Variants in MASP2 observed in about 807,000 individuals in gnomAD.
MASP2 encodes the protein mannan-binding lectin serine protease 2.
Under a neutral mutation model 57.1 loss-of-function variants are expected in MASP2, and 49 were observed. The observed-to-expected ratio is 0.86, with a 90% confidence interval of 0.68 to 1.09. The LOEUF (loss-of-function observed/expected upper bound fraction) is 1.09. MASP2 is among the 50% of genes least tolerant of loss of function. The pLI is 0.00. For synonymous variants in MASP2, 379 were observed against 340.8 expected, an observed-to-expected ratio of 1.11 and a Z score of -1.24; for missense variants, 900 against 874.8, an observed-to-expected ratio of 1.03 and a Z score of -0.36.
At chr1:11,038,457 A>G in intron 6 of MASP2, among the ~76,000 whole-genome samples, 1 of 152,166 alleles carries the variant, frequency 6.6e-6, no homozygotes, top group South Asian at 2.1e-4. Flanking sequence ...GGGGAGCCTC[A>G]GGCTTCCCCT....
At chr1:11,039,566 G>GGATA (rs902097071) in intron 6 of MASP2, among the ~76,000 whole-genome samples, 4 of 152,116 alleles carry the variant, frequency 2.6e-5, no homozygotes, top group Non-Finnish European at 4.4e-5. Flanking sequence ...ATGGGTGGAT[G>GGATA]GATAGATGGA....
At position 11,027,568 on chromosome 1, in the gene MASP2, C is replaced by T; in HGVS notation, c.1378G>A (p.Val460Ile). ...KAKPGDFPWQ[V>I]LILGGTTAAG... ...GCTGTGGTTCCACCTAATATCAGGA[C>T]TTGCCAAGGAAAATCACCAGGTTTT... The change falls in exon 11 of 11, where the codon GTC becomes ATC. Residue 460 changes from valine to isoleucine, a missense_variant. Val to Ile is a conservative substitution (Grantham distance 29). Transcript: ENST00000400897. 1.2e-6 allele frequency: 2 copies of T among 1,614,178 alleles called. No individual in the cohort carries two copies. The highest frequency in any genetic ancestry group is 1.7e-6 in the Non-Finnish European group (2 of 1,180,024).
At chr1:11,045,346 G>T in intron 4 of MASP2, 62 bp downstream of exon 4, 1 of 1,608,046 alleles carries the variant, frequency 6.2e-7, no homozygotes. Flanking sequence ...AGCAGCAATG[G>T]CCCTGAGGAG....
At position 11,042,968 on chromosome 1, in the gene MASP2, T is replaced by C; in HGVS notation, c.796A>G (p.Arg266Gly). ...GPFCGKTLPH[R>G]IETKSNTVTI... ...ACCGTGTTGCTTTTTGTTTCAATCC[T>C]GTGGGGCAATGTCTTCCCACAGAAT... The change falls in exon 6 of 11, where the codon AGG becomes GGG. Residue 266 changes from arginine (R) to glycine (G), a missense_variant. Arg to Gly is a moderately radical substitution (Grantham distance 125). Transcript: ENST00000400897. 2 of 1,614,052 alleles carry C rather than the reference T, an allele frequency of 1.2e-6. No individual in the cohort carries two copies. Among genetic ancestry groups the C allele is most frequent in the Non-Finnish European group, 1.7e-6 (2 of 1,179,934 alleles).
rs200457563 is a variant in MASP2 at position 11,030,721 on chromosome 1, A to G, written c.1222+27T>C. 6.6e-5 allele frequency: 104 copies of G among 1,569,904 alleles called. No homozygotes were observed. In the African/African-American group the frequency reaches 1.3e-3, roughly 20 times the overall value. On this transcript the variant is annotated intron_variant, in intron 9 of 10. Coordinates refer to ENST00000400897, the MANE Select transcript of MASP2 (RefSeq NM_006610.4). ...GGGGCTCAAGTTCCAAGTATTGCCC[A>G]CCCCCAACTTTGAAGAATTTGCATA... is the stretch of plus-strand genomic sequence containing the variant.
intron 7 of MASP2, among the ~76,000 whole-genome samples, chr1:11,036,829 A>G (rs1051491902): frequency 9.2e-5 from 14 of 152,072 alleles, no homozygotes; most frequent in African/African-American, 2.2e-4. Flanking sequence ...AACAGTGACC[A>G]CTATTTATAA....
intron 4 of MASP2, chr1:11,045,002 C>G: frequency 1.3e-6 from 2 of 1,583,066 alleles, no homozygotes; most frequent in African/African-American, 1.3e-5. Flanking sequence ...AGGGAGAAAC[C>G]GAGTCGGGGG....
intron 1 of MASP2, 23 bp downstream of exon 1, chr1:11,047,180 G>T (rs1186712820): frequency 3.8e-6 from 6 of 1,559,642 alleles, no homozygotes; most frequent in South Asian, 1.2e-5. Context: ...CACCCTGCAG[G>T]GAGGCTGTGG....
intron 10 of MASP2, chr1:11,029,954 T>G: frequency 1.2e-5 from 5 of 413,048 alleles, no homozygotes; most frequent in Non-Finnish European, 2.1e-5. Context: ...CTTGCCTAGT[T>G]ATAAGGTCAA....
chr1:11,046,379 G>A (rs1002126369), intron 3 of MASP2, 177 bp downstream of exon 3: 3 of 688,372 alleles, frequency 4.4e-6, no homozygotes, highest in Non-Finnish European at 7.5e-6. Flanking sequence ...CTCAGCCCAT[G>A]TGAATGGAGG....
At position 11,037,725 on chromosome 1, in the gene MASP2, T is replaced by C. The variant is rs1557671673; in HGVS notation, c.976A>G (p.Ile326Val). 1 of 1,612,154 alleles carries C rather than the reference T, an allele frequency of 6.2e-7. No individual in the cohort carries two copies. Among genetic ancestry groups the C allele is most frequent in the South Asian group, 1.1e-5 (1 of 90,550 alleles). The change falls in exon 7 of 11, where the codon ATC becomes GTC. Residue 326 changes from isoleucine (I) to valine (V), a missense_variant. By Grantham distance (29) the Ile-to-Val change is conservative. Transcript: ENST00000400897. The part of the protein sequence containing the change: ...AKYILKDSFS[I>V]FCETGYELLQ... ...AGCTCATAGCCAGTCTCGCAAAAGA[T>C]GGAGAAGCTGTCTTTCAGGATGTAT... is the stretch of plus-strand genomic sequence containing the variant.
intron 8 of MASP2, among the ~76,000 whole-genome samples, chr1:11,031,621 G>A (rs1643847634): frequency 6.6e-6 from 1 of 150,954 alleles, no homozygotes; most frequent in Non-Finnish European, 1.5e-5. Flanking sequence ...AGTAAGGGTA[G>A]AAAAGGACAC....
intron 4 of MASP2, chr1:11,044,739 G>C (rs554429382): frequency 2.8e-6 from 4 of 1,431,646 alleles, no homozygotes; most frequent in Non-Finnish European, 3.7e-6. Flanking sequence ...AGGGTAGGCA[G>C]AGAGGAGCGC....
intron 10 of MASP2, among the ~76,000 whole-genome samples, chr1:11,029,012 AGACAGAG>A (rs1332304765): frequency 7.1e-6 from 1 of 140,646 alleles, no homozygotes; most frequent in Non-Finnish European, 1.5e-5. Flanking sequence ...TTTTTTTTTG[AGACAGAG>A]TCTCGCTCTG....
At position 11,046,593 on chromosome 1, in the gene MASP2, C is replaced by T. The variant is rs752827869; in HGVS notation, c.375G>A (p.Lys125=). The part of the protein sequence containing the change: ...ITFRSDYSNE[K]PFTGFEAFYA... ...AGAAGGCCTCGAACCCCGTGAACGG[C>T]TTCTCGTTGGAGTAGTCGGAGCGGA... The change falls in exon 3 of 11, where the codon AAG becomes AAA. Residue 125 remains lysine (K), a synonymous_variant. Coordinates refer to ENST00000400897, the MANE Select transcript of MASP2 (RefSeq NM_006610.4). 1.2e-6 allele frequency: 2 copies of T among 1,613,874 alleles called. No individual in the cohort carries two copies. The highest frequency in any genetic ancestry group is 1.7e-6 in the Non-Finnish European group (2 of 1,180,032).
chr1:11,037,875 G>T, intron 6 of MASP2, 64 bp from the exon 7 acceptor site: 3 of 865,616 alleles, frequency 3.5e-6, no homozygotes, highest in East Asian at 2.7e-5. Context: ...ACTGAATCGA[G>T]CCATCTGAAG....
chr1:11,031,479 A>G, intron 8 of MASP2, among the ~76,000 whole-genome samples: 1 of 143,614 alleles, frequency 7.0e-6, no homozygotes, highest in Non-Finnish European at 1.5e-5. Flanking sequence ...CAGAGAGCCA[A>G]GATGGCACCA....
At chr1:11,045,380 G>T in intron 4 of MASP2, 28 bp downstream of exon 4, 1 of 1,612,196 alleles carries the variant, frequency 6.2e-7, no homozygotes, top group Non-Finnish European at 8.5e-7. Context: ...AGGAGAGGGT[G>T]CGTTGGGGCC....
intron 7 of MASP2, among the ~76,000 whole-genome samples, chr1:11,035,130 C>T (rs568304155): frequency 1.2e-4 from 18 of 152,212 alleles, no homozygotes; most frequent in Non-Finnish European, 1.6e-4. Context: ...ACCTAGGTTA[C>T]GTATTTCATC....
Sources: gnomAD v4.1 joint callset for allele counts (sites outside exome capture counted in the v4.1 genomes callset) on GRCh38, gnomAD v4.1.1 for gene constraint, MANE v1.5 for transcripts, NCBI Gene and HGNC (gene_info 2026-07-23, HGNC 2026-07-21) for gene names.